Variants in ZFR observed in about 807,000 individuals in gnomAD.
ZFR encodes the protein zinc finger RNA-binding protein.
In ZFR, 19 loss-of-function variants were observed where a neutral mutation model predicts 130.7. The ratio of observed to expected loss-of-function variants is 0.15; its 90% CI spans 0.10 to 0.21. ZFR has a LOEUF of 0.21. Among genes scored for constraint, ZFR ranks in the 10% least tolerant of loss-of-function variants. ZFR has a pLI of 1.00. For synonymous variants in ZFR, 466 were observed against 456.9 expected (o/e 1.02, Z -0.25); for missense variants, 872 against 1,321.5 (o/e 0.66, Z 5.27).
intron 15 of ZFR, 37 bp downstream of exon 15, chr5:32,385,471 A>C (rs975677005): frequency 6.2e-7 from 1 of 1,603,612 alleles, no homozygotes; most frequent in African/African-American, 1.3e-5. Flanking sequence ...TGAAAAAAAA[A>C]GTTAATAGAA....
intron 9 of ZFR, among the ~76,000 whole-genome samples, chr5:32,397,644 T>C (rs1046020685): frequency 6.6e-6 from 1 of 152,172 alleles, no homozygotes. Flanking sequence ...GTATTTTTAG[T>C]AGAGACAGGG....
In ZFR at chr5:32,403,172, T is replaced by C. The variant is rs761950865; in HGVS notation, c.1450A>G (p.Lys484Glu). The C allele has an allele frequency of 3.7e-6, 6 of 1,614,206 alleles. No homozygotes were observed. Among genetic ancestry groups the C allele is most frequent in the Admixed American group, 1.7e-5 (1 of 60,032 alleles). ...NSSLNSTSNT[K>E]VSAVPTNMAA... ...ATATTTGTAGGCACTGCTGATACTTTAGTGTTAGATGTGCTATTAAGAGAC... is the reference window on the plus strand; with the variant it reads ...ATATTTGTAGGCACTGCTGATACTTCAGTGTTAGATGTGCTATTAAGAGAC... The change falls in exon 8 of 20, where the codon AAA (lysine) becomes GAA (glutamate). Residue 484 changes from lysine to glutamate, a missense_variant. Lys to Glu is a moderately conservative substitution (Grantham distance 56). This residue lies in a region of ZFR where 143 missense variants were observed against 137.9 expected (regional missense o/e 1.04). Coordinates refer to ENST00000265069, the MANE Select transcript of ZFR (RefSeq NM_016107.5).
chr5:32,370,911 G>A (rs999775069), intron 17 of ZFR, among the ~76,000 whole-genome samples: 1 of 152,192 alleles, frequency 6.6e-6, no homozygotes, highest in African/African-American at 2.4e-5. Flanking sequence ...AGCAGGCATT[G>A]TTACTTAAGG....
At chr5:32,378,210 G>A (rs373036215) in intron 17 of ZFR, among the ~76,000 whole-genome samples, 3 of 151,956 alleles carry the variant, frequency 2.0e-5, no homozygotes, top group South Asian at 4.1e-4. Context: ...ATACAATGAG[G>A]TATAATAAGG....
intron 8 of ZFR, 65 bp from the exon 9 acceptor site, chr5:32,400,268 C>G: frequency 8.3e-7 from 1 of 1,205,486 alleles, no homozygotes; most frequent in Non-Finnish European, 1.1e-6. Context: ...CCTGATAAGA[C>G]GAAAACTTCA....
intron 2 of ZFR, among the ~76,000 whole-genome samples, chr5:32,442,671 C>A (rs1754499846): frequency 6.6e-6 from 1 of 152,178 alleles, no homozygotes; most frequent in South Asian, 2.1e-4. Flanking sequence ...CACATTTATA[C>A]ATTTTGACAT....
intron 2 of ZFR, among the ~76,000 whole-genome samples, chr5:32,438,327 G>A (rs998881864): frequency 8.9e-5 from 12 of 135,530 alleles, no homozygotes; most frequent in East Asian, 4.4e-4. Flanking sequence ...GCAATGGCGC[G>A]ATCTTGGCTC....
At chr5:32,370,351 G>GAGAC (rs1378768011) in intron 17 of ZFR, among the ~76,000 whole-genome samples, 3 of 1,666 alleles carry the variant, frequency 1.8e-3, no homozygotes, top group East Asian at 0.013. Context: ...GAGAGAGAGA[G>GAGAC]AGACAGACAG....
At chr5:32,400,276 TCA>T (rs958214928) in intron 8 of ZFR, 73 bp from the exon 9 acceptor site, 15 of 1,131,102 alleles carry the variant, frequency 1.3e-5, no homozygotes, top group Admixed American at 7.0e-5. Flanking sequence ...GACGAAAACT[TCA>T]GATAAAGTTC....
chr5:32,404,543 T>C (rs1464783290), intron 6 of ZFR, among the ~76,000 whole-genome samples: 2 of 152,210 alleles, frequency 1.3e-5, no homozygotes, highest in Non-Finnish European at 2.9e-5. Context: ...CAGCTATGTT[T>C]ATAAAACTGA....
chr5:32,419,703 C>T (rs1289500096), intron 3 of ZFR, 118 bp downstream of exon 3: 15 of 1,451,870 alleles, frequency 1.0e-5, no homozygotes, highest in South Asian at 8.0e-5. Flanking sequence ...TTTTCTCTAT[C>T]AGTACATGTG....
At chr5:32,431,770 A>G (rs867751845) in intron 2 of ZFR, among the ~76,000 whole-genome samples, 1,177 of 61,078 alleles carry the variant, frequency 0.019, 15 homozygotes, top group African/African-American at 0.058. Context: ...ATAACATTGA[A>G]AAAAAAAAAA....
At chr5:32,397,376 G>A (rs1251264568) in intron 9 of ZFR, 38 bp from the exon 10 acceptor site, 1 of 1,602,794 alleles carries the variant, frequency 6.2e-7, no homozygotes, top group Non-Finnish European at 8.5e-7. Flanking sequence ...CATCATAGTT[G>A]AAGATTATAT....
chr5:32,396,360 T>G lies in ZFR; in HGVS notation c.1833+859A>C, dbSNP rs146602464. Among the ~76,000 whole-genome samples, 730 of 152,318 alleles carry G rather than the reference T, an allele frequency of 4.8e-3. 6 individuals are homozygous for G. Among genetic ancestry groups the G allele is most frequent in the Middle Eastern group, 0.02 (6 of 294 alleles). ...AAAGTTTCTTTACATATTTAAGTACTACCCTTTTACACTGTTTTAATTTTC... is the reference window on the plus strand; with the variant it reads ...AAAGTTTCTTTACATATTTAAGTACGACCCTTTTACACTGTTTTAATTTTC... On this transcript the variant is annotated intron_variant, in intron 10 of 19. Transcript: ENST00000265069.
At chr5:32,367,468 A>ATAAAG (rs1561861169) in intron 17 of ZFR, among the ~76,000 whole-genome samples, 2 of 198 alleles carry the variant, frequency 0.01, no homozygotes, top group African/African-American at 0.034. Context: ...AATAAAGTAA[A>ATAAAG]TAAATAAATA....
chr5:32,361,460 T>A (rs960462586), intron 19 of ZFR, among the ~76,000 whole-genome samples: 2 of 152,196 alleles, frequency 1.3e-5, no homozygotes, highest in African/African-American at 4.8e-5. Context: ...AATATACTAA[T>A]TCTTTATTCA....
intron 12 of ZFR, among the ~76,000 whole-genome samples, chr5:32,389,977 T>A (rs1753127235): frequency 6.6e-6 from 1 of 152,038 alleles, no homozygotes; most frequent in Non-Finnish European, 1.5e-5. Context: ...GTGGCGAAAC[T>A]CTATCTCTAC....
Position 32,418,513 on chromosome 5 carries a change from T to C in ZFR, c.421-721A>G, listed in dbSNP as rs143306539. On this transcript the variant is annotated intron_variant, in intron 3 of 19. Transcript: ENST00000265069. ...AGATCAAGGTGAGCTGAGTGAATTC[T>C]GGCAGTCCATGAAGTAAAGAGGGGT... 9.4e-3 allele frequency among the ~76,000 whole-genome samples: 1,425 copies of C among 152,320 alleles called. 7 individuals carry two copies. The highest frequency in any genetic ancestry group is 0.014 in the Non-Finnish European group (919 of 68,024).
intron 4 of ZFR, among the ~76,000 whole-genome samples, chr5:32,416,556 G>A (rs887374050): frequency 1.4e-5 from 2 of 146,028 alleles, no homozygotes; most frequent in Non-Finnish European, 3.0e-5. Flanking sequence ...GGAGGTTGCG[G>A]TGAGCCAAGA....
Sources: gnomAD v4.1 joint callset for allele counts (sites outside exome capture counted in the v4.1 genomes callset) on GRCh38, gnomAD v4.1.1 for gene constraint, gnomAD v4.1.1 regional missense constraint, MANE v1.5 for transcripts, NCBI Gene and HGNC (gene_info 2026-07-23, HGNC 2026-07-21) for gene names.